Variants in RP1 observed in about 807,000 individuals in gnomAD.
RP1 encodes RP1 axonemal microtubule associated.
A neutral mutation model predicts 14.8 loss-of-function variants in RP1; 16 were observed. That is an observed-to-expected ratio of 1.08 (90% CI 0.73 to 1.65). The LOEUF is 1.65. Ranked by LOEUF, RP1 falls within the 40% of genes most tolerant of loss-of-function variation. The probability of loss-of-function intolerance (pLI) is 0.00; values close to 1 mark genes in which losing one functional copy is unlikely to be tolerated. For synonymous variants in RP1, 876 were observed against 883.6 expected (o/e 0.99, Z 0.15); for missense variants, 2,631 against 2,535.0 (o/e 1.04, Z -0.81).
intron 25 of RP1, among the ~76,000 whole-genome samples, chr8:54,837,974 A>G (rs1325380735): frequency 3.3e-5 from 5 of 152,232 alleles, no homozygotes; most frequent in African/African-American, 1.2e-4. Context: ...TTTTTCAATC[A>G]TTAAGAAAAA....
At chr8:54,696,644 G>GATA in intron 12 of RP1, 1 of 828,724 alleles carries the variant, frequency 1.2e-6, no homozygotes, top group Non-Finnish European at 1.9e-6. Context: ...AGAATTGCCA[G>GATA]ATAAACATTC....
chr8:54,748,702 G>A (rs1025166930), intron 19 of RP1, among the ~76,000 whole-genome samples: 5 of 152,134 alleles, frequency 3.3e-5, no homozygotes, highest in African/African-American at 1.2e-4. Context: ...ACTGACATGA[G>A]TGCCCCATCC....
intron 19 of RP1, among the ~76,000 whole-genome samples, chr8:54,747,956 C>A (rs1809268571): frequency 6.6e-6 from 1 of 152,246 alleles, no homozygotes; most frequent in African/African-American, 2.4e-5. Context: ...GCCTCTGCAG[C>A]ACATGTTTGC....
At chr8:54,832,923 G>C (rs530412683) in intron 24 of RP1, among the ~76,000 whole-genome samples, 1 of 152,076 alleles carries the variant, frequency 6.6e-6, no homozygotes, top group African/African-American at 2.4e-5. Context: ...AATTTATCAT[G>C]CTTTTATAAC....
chr8:54,733,458 T>A (rs1034653972), intron 17 of RP1, among the ~76,000 whole-genome samples: 1 of 152,206 alleles, frequency 6.6e-6, no homozygotes, highest in African/African-American at 2.4e-5. Flanking sequence ...GAATGTCAGT[T>A]CTTTCATAGC....
intron 1 of RP1, among the ~76,000 whole-genome samples, chr8:54,565,850 C>T (rs1472064440): frequency 6.6e-6 from 1 of 152,182 alleles, no homozygotes; most frequent in African/African-American, 2.4e-5. Context: ...AGTCTGGAGG[C>T]TGGATGGCTG....
At chr8:54,613,751 AG>A (rs915111906), upstream of RP1, among the ~76,000 whole-genome samples, 15 of 152,220 alleles carry the variant, frequency 9.9e-5, no homozygotes, top group Admixed American at 1.3e-4. Flanking sequence ...CTGGGTTATG[AG>A]GAGGCATTCC....
chr8:54,722,136 G>A (rs1414381051), intron 16 of RP1, among the ~76,000 whole-genome samples: 1 of 151,782 alleles, frequency 6.6e-6, no homozygotes, highest in Admixed American at 6.5e-5. Context: ...CCAGCTACTG[G>A]GAGAAGAATC....
rs1464073850 is a variant in RP1 at position 54,726,459 on chromosome 8, TA to T, written c.2505del (p.Leu835PhefsTer27). 1 of 1,531,246 alleles carries T rather than the reference TA, an allele frequency of 6.5e-7. No individual in the cohort carries two copies. Among genetic ancestry groups the T allele is most frequent in the South Asian group, 1.2e-5 (1 of 82,922 alleles). 94.9% of individuals were successfully genotyped at this position (1,531,246 alleles called of 1,614,324 possible). Reference sequence around the variant, plus strand: ...CCAGAATCTGAGGCTAGGAGTCCCTTACCTTCTTCAACTGCAAGTAAGCCAC... The same window carrying T: ...CCAGAATCTGAGGCTAGGAGTCCCTTCCTTCTTCAACTGCAAGTAAGCCAC... On this transcript the variant is annotated frameshift_variant, in exon 17 of 23. Coordinates refer to the RP1 transcript ENST00000636932. LOFTEE classifies it high-confidence loss of function.
At chr8:54,722,030 G>A (rs144868726) in intron 16 of RP1, among the ~76,000 whole-genome samples, 5 of 151,968 alleles carry the variant, frequency 3.3e-5, no homozygotes, top group Admixed American at 6.5e-5. Context: ...ATCACTTGAG[G>A]CCAGGAATTT....
At chr8:54,621,606 G>A (rs762627753) in intron 2 of RP1, 25 bp downstream of exon 2, 47 of 1,613,658 alleles carry the variant, frequency 2.9e-5, no homozygotes, top group Non-Finnish European at 3.8e-5. Flanking sequence ...GGCTCCTCGA[G>A]CCTGAGCTCA....
intron 1 of RP1, among the ~76,000 whole-genome samples, chr8:54,569,590 C>A (rs897173249): frequency 1.3e-5 from 2 of 152,184 alleles, no homozygotes; most frequent in Non-Finnish European, 2.9e-5. Context: ...ACTGTCTCTG[C>A]CCACCATGTG....
At chr8:54,851,125 C>T (rs550463430) in intron 25 of RP1, among the ~76,000 whole-genome samples, 9 of 152,160 alleles carry the variant, frequency 5.9e-5, no homozygotes, top group Admixed American at 5.9e-4. Context: ...TTAACCTAAT[C>T]AATTGGAGCA....
At chr8:54,664,590 A>T (rs558200190) in intron 7 of RP1, among the ~76,000 whole-genome samples, 1 of 152,082 alleles carries the variant, frequency 6.6e-6, no homozygotes, top group Non-Finnish European at 1.5e-5. Flanking sequence ...CCTAATGGCT[A>T]TGAAGGGATA....
At chr8:54,611,764 T>C (rs527760742), upstream of RP1, among the ~76,000 whole-genome samples, 1 of 152,146 alleles carries the variant, frequency 6.6e-6, no homozygotes, top group Admixed American at 6.5e-5. Flanking sequence ...TGTGTGTGCA[T>C]TGTGACTTTT....
At chr8:54,631,654 CA>C (rs1806248075), downstream of RP1, among the ~76,000 whole-genome samples, 1 of 151,012 alleles carries the variant, frequency 6.6e-6, no homozygotes, top group Admixed American at 6.6e-5. Context: ...GCTTGAAAAT[CA>C]ATGCTCTTTT....
intron 25 of RP1, among the ~76,000 whole-genome samples, chr8:54,851,822 A>T (rs1247393937): frequency 1.3e-5 from 2 of 152,178 alleles, no homozygotes; most frequent in Non-Finnish European, 2.9e-5. Flanking sequence ...TTCATGTCTG[A>T]GTTCTTCGGA....
exon 14 of RP1, chr8:54,701,541 C>T (rs1477209303): frequency 6.5e-7 from 1 of 1,535,602 alleles, no homozygotes; most frequent in Non-Finnish European, 8.7e-7. Flanking sequence ...AACCGCTGTG[C>T]ACTTCTTGAG....
chr8:54,583,539 C>G (rs1804847531), intron 1 of RP1, among the ~76,000 whole-genome samples: 1 of 152,162 alleles, frequency 6.6e-6, no homozygotes, highest in Admixed American at 6.5e-5. Flanking sequence ...AGGATTCCCT[C>G]TTTTTCTATT....
Sources: gnomAD v4.1 joint callset for allele counts (sites outside exome capture counted in the v4.1 genomes callset) on GRCh38, gnomAD v4.1.1 for gene constraint, MANE v1.5 for transcripts, NCBI Gene and HGNC (gene_info 2026-07-23, HGNC 2026-07-21) for gene names.